Variants in ZNF804B observed in about 807,000 individuals in gnomAD.
The protein encoded by ZNF804B is zinc finger 804B.
ZNF804B carries 80 observed loss-of-function variants against 101.4 expected under a neutral mutation model. The ratio of observed to expected loss-of-function variants is 0.79; its 90% CI spans 0.66 to 0.95. The LOEUF (loss-of-function observed/expected upper bound fraction) is 0.95, where lower values mean the gene tolerates loss of function less well. ZNF804B is among the 40% of genes least tolerant of loss of function. ZNF804B has a pLI of 0.00. For missense variants in ZNF804B, 1,673 were observed against 1,561.9 expected (o/e 1.07, Z -1.20); for synonymous variants, 622 against 558.8 (o/e 1.11, Z -1.59).
chr7:89,154,214 C>G (rs1025055188), intron 1 of ZNF804B, among the ~76,000 whole-genome samples: 2 of 151,948 alleles, frequency 1.3e-5, no homozygotes, highest in Admixed American at 1.3e-4. Context: ...TGGCTTATAT[C>G]CAAAACACAG....
chr7:89,016,454 G>A (rs1239180641), intron 1 of ZNF804B, among the ~76,000 whole-genome samples: 1 of 151,348 alleles, frequency 6.6e-6, no homozygotes, highest in Admixed American at 6.6e-5. Flanking sequence ...TTTCTTCTAG[G>A]GTTTTTATGG....
At chr7:89,156,066 T>C (rs368426219) in intron 1 of ZNF804B, among the ~76,000 whole-genome samples, 9,031 of 66,374 alleles carry the variant, frequency 0.14, 501 homozygotes, top group Middle Eastern at 0.24. Context: ...CTTTCTTTCT[T>C]TCTTTCTCTC....
At chr7:89,142,811 G>C (rs1584012151) in intron 1 of ZNF804B, among the ~76,000 whole-genome samples, 3 of 151,998 alleles carry the variant, frequency 2.0e-5, no homozygotes, top group Admixed American at 6.6e-5. Context: ...ATTCTGGGTT[G>C]AGATGTATTA....
intron 1 of ZNF804B, among the ~76,000 whole-genome samples, chr7:89,053,860 G>A (rs1789248491): frequency 6.6e-6 from 1 of 151,972 alleles, no homozygotes; most frequent in Admixed American, 6.6e-5. Flanking sequence ...AGAAATTGAA[G>A]ATCTTACCTA....
chr7:88,917,384 A>G (rs1562831313), intron 1 of ZNF804B, among the ~76,000 whole-genome samples: 1 of 152,228 alleles, frequency 6.6e-6, no homozygotes. Flanking sequence ...TCAAGGCTGC[A>G]GTTGTACATG....
Position 89,218,257 on chromosome 7 carries a change from G to T in ZNF804B, c.211G>T (p.Asp71Tyr). ...DKQYHKHQEF[D>Y]NHINSYDHAH... is the part of the protein sequence containing the mutation. ...GCAGTATCACAAACACCAGGAGTTT[G>T]ACAATCATATTAATTCTTATGACCA... Residue 71 changes from aspartate to tyrosine, a missense_variant, in exon 2 of 4, where the codon GAC becomes TAC. Asp to Tyr is a radical substitution (Grantham distance 160). Transcript: ENST00000333190. The T allele has an allele frequency of 6.2e-7, 1 of 1,613,712 alleles. No individual in the cohort carries two copies. Among genetic ancestry groups the T allele is most frequent in the South Asian group, 1.1e-5 (1 of 91,002 alleles).
intron 1 of ZNF804B, among the ~76,000 whole-genome samples, chr7:89,023,889 A>G (rs1044116109): frequency 2.0e-5 from 3 of 152,188 alleles, no homozygotes; most frequent in African/African-American, 7.2e-5. Flanking sequence ...TTCCCACAGA[A>G]TAGGAAGTTT....
chr7:89,069,937 CTGCTACAAACTTAG>C (rs1335655342), intron 1 of ZNF804B, among the ~76,000 whole-genome samples: 9 of 152,080 alleles, frequency 5.9e-5, no homozygotes, highest in Admixed American at 2.6e-4. Context: ...AGCAAGATGC[CTGCTACAAACTTAG>C]TGCTTGATAA....
chr7:89,336,778 C>T lies in ZNF804B; in HGVS notation c.3796C>T (p.His1266Tyr), dbSNP rs1018302647. 3 of 1,613,986 alleles carry T rather than the reference C, an allele frequency of 1.9e-6. No individual in the cohort carries two copies. In the African/African-American group the frequency reaches 4.0e-5, roughly 22 times the overall value. Reference sequence around the variant, plus strand: ...TGCACACCCCACTTTCTTAGCAGGTCATCCCCTGCATTTAGTAGCTGCTAC... The same window carrying T: ...TGCACACCCCACTTTCTTAGCAGGTTATCCCCTGCATTTAGTAGCTGCTAC... Reference protein sequence around the residue: ...IPAHPTFLAGHPLHLVAATPF... With the variant: ...IPAHPTFLAGYPLHLVAATPF... The change falls in exon 4 of 4, where the codon CAT (histidine) becomes TAT (tyrosine). Residue 1266 changes from histidine to tyrosine, a missense_variant. Physicochemically the swap from His to Tyr is moderately conservative, Grantham distance 83. Coordinates refer to ENST00000333190, the MANE Select transcript of ZNF804B (RefSeq NM_181646.5).
chr7:88,843,072 A>G (rs890709891), intron 1 of ZNF804B, among the ~76,000 whole-genome samples: 1 of 152,174 alleles, frequency 6.6e-6, no homozygotes, highest in Admixed American at 6.5e-5. Context: ...TCTTCAGTAG[A>G]AGGACTGTTA....
At chr7:89,224,771 T>A (rs1387603635) in intron 2 of ZNF804B, among the ~76,000 whole-genome samples, 1 of 146,162 alleles carries the variant, frequency 6.8e-6, no homozygotes, top group Admixed American at 6.9e-5. Flanking sequence ...TGTGTGTGTG[T>A]ATCCTGGAAT....
chr7:88,808,634 A>G (rs1268145933), intron 1 of ZNF804B, among the ~76,000 whole-genome samples: 2 of 152,156 alleles, frequency 1.3e-5, no homozygotes, highest in African/African-American at 4.8e-5. Context: ...GACATTAGAC[A>G]TTGTGATTAA....
chr7:88,966,928 A>G (rs1054523465), intron 1 of ZNF804B, among the ~76,000 whole-genome samples: 14 of 150,940 alleles, frequency 9.3e-5, no homozygotes, highest in African/African-American at 3.4e-4. Flanking sequence ...TGCACTTCAC[A>G]GGAGCCTGAC....
intron 1 of ZNF804B, among the ~76,000 whole-genome samples, chr7:88,917,262 C>A (rs1792648320): frequency 6.6e-6 from 1 of 151,508 alleles, no homozygotes; most frequent in African/African-American, 2.4e-5. Flanking sequence ...AAGACTCTGT[C>A]TCAAAAAAAA....
intron 1 of ZNF804B, among the ~76,000 whole-genome samples, chr7:88,879,248 A>G (rs1024557241): frequency 6.6e-6 from 1 of 152,172 alleles, no homozygotes; most frequent in Non-Finnish European, 1.5e-5. Context: ...TAAAGGGCCT[A>G]TAATATGTTT....
intron 2 of ZNF804B, among the ~76,000 whole-genome samples, chr7:89,229,463 A>G (rs1301225743): frequency 2.6e-5 from 4 of 152,374 alleles, no homozygotes; most frequent in African/African-American, 9.6e-5. Flanking sequence ...TTTCAGAGAT[A>G]AAGAGGAACA....
chr7:89,114,682 A>G (rs1790281501), intron 1 of ZNF804B, among the ~76,000 whole-genome samples: 1 of 152,194 alleles, frequency 6.6e-6, no homozygotes, highest in Non-Finnish European at 1.5e-5. Context: ...AAAAAACAGA[A>G]TAGAGGAAAA....
intron 1 of ZNF804B, among the ~76,000 whole-genome samples, chr7:89,001,045 T>C (rs1416708632): frequency 1.4e-5 from 2 of 147,570 alleles, no homozygotes; most frequent in Admixed American, 1.4e-4. Context: ...ATATATATTA[T>C]TCAGGGGTGG....
chr7:89,153,423 G>GATA (rs1790907437), intron 1 of ZNF804B, among the ~76,000 whole-genome samples: 1 of 131,074 alleles, frequency 7.6e-6, no homozygotes, highest in African/African-American at 2.9e-5. Flanking sequence ...TAATGATGAT[G>GATA]ATGATGATAA....
Sources: gnomAD v4.1 joint callset for allele counts (sites outside exome capture counted in the v4.1 genomes callset) on GRCh38, gnomAD v4.1.1 for gene constraint, MANE v1.5 for transcripts, NCBI Gene and HGNC (gene_info 2026-07-23, HGNC 2026-07-21) for gene names.